Variants in SORCS3 observed in about 807,000 individuals in gnomAD.
SORCS3 encodes sortilin related VPS10 domain containing receptor 3.
A neutral mutation model predicts 146.3 loss-of-function variants in SORCS3; 57 were observed. The ratio of observed to expected loss-of-function variants is 0.39; its 90% confidence interval spans 0.31 to 0.49. The LOEUF (loss-of-function observed/expected upper bound fraction) is 0.49. SORCS3 is among the 20% of genes least tolerant of loss of function. The pLI, the probability that SORCS3 is intolerant of heterozygous loss-of-function variation, is 0.92. For missense variants in SORCS3, 1,341 were observed against 1,575.5 expected, an observed-to-expected ratio of 0.85 and a Z score of 2.52; for synonymous variants, 653 against 618.5, an observed-to-expected ratio of 1.06 and a Z score of -0.83.
intron 4 of SORCS3, among the ~76,000 whole-genome samples, chr10:105,008,434 C>T (rs796313314): frequency 1.2e-4 from 19 of 152,300 alleles, no homozygotes; most frequent in African/African-American, 4.6e-4. Flanking sequence ...AAGGCTGTGA[C>T]ACCATTCTGG....
At chr10:105,234,517 T>C (rs2056782042) in intron 20 of SORCS3, among the ~76,000 whole-genome samples, 1 of 151,938 alleles carries the variant, frequency 6.6e-6, no homozygotes, top group South Asian at 2.1e-4. Flanking sequence ...ATACCATTTT[T>C]AGTTGTTCCT....
intron 1 of SORCS3, among the ~76,000 whole-genome samples, chr10:104,696,666 A>T (rs866884205): frequency 0.017 from 118 of 6,782 alleles, 1 homozygote; most frequent in Middle Eastern, 0.071. Flanking sequence ...ACGTATATAT[A>T]ATATATAACA....
chr10:104,798,454 T>C (rs2017584125), intron 1 of SORCS3, among the ~76,000 whole-genome samples: 2 of 152,188 alleles, frequency 1.3e-5, no homozygotes, highest in South Asian at 4.1e-4. Flanking sequence ...AGAGAAGCTC[T>C]TTTTAAAAAT....
At chr10:104,876,783 T>TCC in intron 2 of SORCS3, among the ~76,000 whole-genome samples, 2 of 144,044 alleles carry the variant, frequency 1.4e-5, no homozygotes, top group Admixed American at 6.8e-5. Flanking sequence ...CTTTCCTTCT[T>TCC]TTCTTTTTTC....
chr10:104,997,011 G>A (rs1471514804), intron 4 of SORCS3, among the ~76,000 whole-genome samples: 1 of 152,086 alleles, frequency 6.6e-6, no homozygotes, highest in Non-Finnish European at 1.5e-5. Context: ...TTTGCACATG[G>A]AGAGGATATT....
At position 105,107,950 on chromosome 10, in the gene SORCS3, A is replaced by G. The variant is rs571430769; in HGVS notation, c.1212+2435A>G. 8.9e-4 allele frequency among the ~76,000 whole-genome samples: 136 copies of G among 152,264 alleles called. No homozygotes were observed. In the Middle Eastern group the frequency reaches 0.041, roughly 46 times the overall value. ...AGAAGATAATTGTAGTACCTACTTC[A>G]TGGGTTGCTGGGTGGATTATATTTA... is the stretch of plus-strand genomic sequence containing the variant. On this transcript the variant is annotated intron_variant, in intron 7 of 26. Coordinates refer to ENST00000369701, the MANE Select transcript of SORCS3 (RefSeq NM_014978.3).
At chr10:104,739,597 G>GT (rs2016817187) in intron 1 of SORCS3, among the ~76,000 whole-genome samples, 1 of 152,218 alleles carries the variant, frequency 6.6e-6, no homozygotes, top group Non-Finnish European at 1.5e-5. Context: ...GTTCTTCACA[G>GT]TAGTCCCTGC....
intron 2 of SORCS3, among the ~76,000 whole-genome samples, chr10:104,871,763 T>TA (rs2018521169): frequency 6.6e-6 from 1 of 152,138 alleles, no homozygotes; most frequent in Non-Finnish European, 1.5e-5. Context: ...AGACACAACT[T>TA]AAAGGTGATC....
At chr10:105,204,560 G>A (rs578003357) in intron 16 of SORCS3, among the ~76,000 whole-genome samples, 6 of 152,032 alleles carry the variant, frequency 3.9e-5, no homozygotes, top group African/African-American at 1.4e-4. Flanking sequence ...AATTTTTTTT[G>A]ATATATAATG....
chr10:104,778,399 T>C (rs2017337197), intron 1 of SORCS3, among the ~76,000 whole-genome samples: 2 of 152,186 alleles, frequency 1.3e-5, no homozygotes. Context: ...CATTTGTTAT[T>C]TGCCTATTCA....
intron 22 of SORCS3, among the ~76,000 whole-genome samples, chr10:105,248,267 G>T (rs2056878955): frequency 6.6e-6 from 1 of 152,170 alleles, no homozygotes; most frequent in African/African-American, 2.4e-5. Flanking sequence ...GGGGCAGAGA[G>T]AACAGTATGA....
At chr10:105,050,183 G>A (rs1293204844) in intron 5 of SORCS3, among the ~76,000 whole-genome samples, 1 of 152,012 alleles carries the variant, frequency 6.6e-6, no homozygotes. Context: ...TTCCTTTTGG[G>A]AGACAGCCTC....
chr10:105,105,544 G>A, intron 7 of SORCS3, 29 bp downstream of exon 7: 1 of 1,499,478 alleles, frequency 6.7e-7, no homozygotes, highest in Non-Finnish European at 9.3e-7. Context: ...GTTGGTGGTA[G>A]GAGGATGCAT....
chr10:105,256,488 T>C (rs962018921), intron 24 of SORCS3, among the ~76,000 whole-genome samples: 1 of 152,230 alleles, frequency 6.6e-6, no homozygotes, highest in African/African-American at 2.4e-5. Context: ...CCTGTAATTA[T>C]GGTGACAGGC....
At chr10:104,671,082 C>A (rs2015845327) in intron 1 of SORCS3, among the ~76,000 whole-genome samples, 1 of 150,900 alleles carries the variant, frequency 6.6e-6, no homozygotes, top group Admixed American at 6.6e-5. Flanking sequence ...TACATCATAT[C>A]GTCTGTAAAC....
intron 14 of SORCS3, among the ~76,000 whole-genome samples, chr10:105,180,422 G>A (rs754002521): frequency 7.9e-5 from 12 of 152,332 alleles, no homozygotes; most frequent in South Asian, 4.1e-4. Flanking sequence ...GTCAGTAATC[G>A]TTGAATGAAT....
At chr10:104,982,065 T>G (rs1372822364) in intron 4 of SORCS3, among the ~76,000 whole-genome samples, 3 of 152,176 alleles carry the variant, frequency 2.0e-5, no homozygotes, top group Non-Finnish European at 1.5e-5. Flanking sequence ...GGAGTGGGCA[T>G]GCAGCTAAGG....
intron 4 of SORCS3, among the ~76,000 whole-genome samples, chr10:105,021,383 T>G (rs1305425909): frequency 6.6e-6 from 1 of 152,112 alleles, no homozygotes; most frequent in Non-Finnish European, 1.5e-5. Flanking sequence ...AACTTCCCAT[T>G]AGGCCCCACC....
chr10:104,963,827 G>C (rs1378804522), intron 3 of SORCS3, among the ~76,000 whole-genome samples: 2 of 152,128 alleles, frequency 1.3e-5, no homozygotes, highest in East Asian at 3.9e-4. Context: ...AAATCTATCA[G>C]ATAATTTGAG....
Sources: allele counts gnomAD v4.1 joint callset (sites outside exome capture counted in the v4.1 genomes callset), GRCh38; gene constraint gnomAD v4.1.1; transcripts MANE v1.5; gene names NCBI Gene and HGNC (gene_info 2026-07-23, HGNC 2026-07-21).